Variants in SAMD5 observed in about 807,000 individuals in gnomAD.
The protein encoded by SAMD5 is sterile alpha motif domain containing 5.
A neutral mutation model predicts 11.3 loss-of-function variants in SAMD5; 13 were observed. The ratio of observed to expected loss-of-function variants is 1.15; its 90% CI spans 0.75 to 1.83. SAMD5 has a LOEUF of 1.83. Ranked by LOEUF, SAMD5 falls within the 40% of genes most tolerant of loss-of-function variation. The pLI is 0.00. For synonymous variants in SAMD5, 129 were observed against 111.3 expected, an observed-to-expected ratio of 1.16 and a Z score of -1.00; for missense variants, 255 against 239.1, an observed-to-expected ratio of 1.07 and a Z score of -0.44.
rs76970923 is a variant in SAMD5 at position 147,508,792 on chromosome 6, C to A, written c.-137C>A. Reference sequence around the variant, plus strand: ...GATGGTTTTCCGTCTCCTGCCCGAGCCTTTCCTTTAAAAGGAAAACTTTAC... The same window carrying A: ...GATGGTTTTCCGTCTCCTGCCCGAGACTTTCCTTTAAAAGGAAAACTTTAC... On this transcript the variant is annotated 5_prime_UTR_variant, in exon 1 of 2. Transcript: ENST00000367474. 373 of 1,326,300 alleles carry A rather than the reference C, an allele frequency of 2.8e-4. 1 individual carries two copies. In the African/African-American group the frequency reaches 5.3e-3, roughly 19 times the overall value. 82.2% of individuals were successfully genotyped at this position (1,326,300 alleles called of 1,614,324 possible). A position where few individuals can be genotyped will look rare whatever the true frequency, so the allele number is the denominator to read the frequency against.
At chr6:147,813,046 G>A in the SAMD5 span, among the ~76,000 whole-genome samples, 2 of 152,174 alleles carry the variant, frequency 1.3e-5, no homozygotes, top group African/African-American at 4.8e-5. Context: ...AACTTCAAGA[G>A]TAACTCCACT....
chr6:147,618,211 G>T (rs774303933), intron 1 of SAMD5, among the ~76,000 whole-genome samples: 1 of 152,210 alleles, frequency 6.6e-6, no homozygotes, highest in Non-Finnish European at 1.5e-5. Context: ...TGGGCTGGAT[G>T]CTAGGAATAC....
the SAMD5 span, among the ~76,000 whole-genome samples, chr6:147,896,983 A>T: frequency 6.6e-6 from 1 of 152,198 alleles, no homozygotes; most frequent in Non-Finnish European, 1.5e-5. Flanking sequence ...TGTAGAGGCA[A>T]AAAGTACATC....
chr6:147,713,668 T>C (rs1476538065), intron 1 of SAMD5, among the ~76,000 whole-genome samples: 1 of 152,184 alleles, frequency 6.6e-6, no homozygotes, highest in Admixed American at 6.5e-5. Context: ...AAGGGTGATA[T>C]AATATTTGGT....
the SAMD5 span, among the ~76,000 whole-genome samples, chr6:147,905,568 C>T: frequency 6.6e-6 from 1 of 152,036 alleles, no homozygotes; most frequent in East Asian, 1.9e-4. Flanking sequence ...CTAATCTCAC[C>T]ACCTAGATAT....
chr6:147,579,435 G>A (rs1284043785), intron 1 of SAMD5, among the ~76,000 whole-genome samples: 1 of 145,266 alleles, frequency 6.9e-6, no homozygotes, highest in Non-Finnish European at 1.5e-5. Flanking sequence ...GCCTGCGATA[G>A]TTTGGAAGCA....
At chr6:147,740,359 T>G (rs1249361711), downstream of SAMD5, among the ~76,000 whole-genome samples, 5 of 152,216 alleles carry the variant, frequency 3.3e-5, no homozygotes, top group Non-Finnish European at 7.3e-5. Flanking sequence ...GATATAAAAG[T>G]GCCTTTCTGA....
At chr6:147,897,475 C>T in the SAMD5 span, among the ~76,000 whole-genome samples, 3,386 of 152,140 alleles carry the variant, frequency 0.022, 124 homozygotes, top group African/African-American at 0.077. Flanking sequence ...CATTTCTAGC[C>T]GTAACAGCAG....
At chr6:147,886,093 C>T in the SAMD5 span, among the ~76,000 whole-genome samples, 1 of 152,046 alleles carries the variant, frequency 6.6e-6, no homozygotes, top group East Asian at 1.9e-4. Flanking sequence ...CAAATGAAAT[C>T]CAACTGTGTA....
the SAMD5 span, among the ~76,000 whole-genome samples, chr6:147,804,274 AT>A: frequency 2.7e-5 from 4 of 150,334 alleles, no homozygotes; most frequent in African/African-American, 9.8e-5. Flanking sequence ...CACCCAGCTA[AT>A]TTTTTTTTGT....
chr6:147,856,643 G>A, the SAMD5 span, among the ~76,000 whole-genome samples: 1 of 152,148 alleles, frequency 6.6e-6, no homozygotes, highest in Admixed American at 6.5e-5. Flanking sequence ...GAAACTATCT[G>A]CATGATCAAC....
Position 147,509,021 on chromosome 6 carries a change from GGT to G in SAMD5, c.97_98del (p.Cys33GlnfsTer44). The G allele has an allele frequency of 6.2e-7, 1 of 1,607,890 alleles. No individual in the cohort carries two copies. Among genetic ancestry groups the G allele is most frequent in the Non-Finnish European group, 8.5e-7 (1 of 1,177,768 alleles). Reference protein sequence around the residue: ...FVDNGYDDLEVCKQIGDPDLD... With the variant: ...FVDNGYDDLEXCKQIGDPDLD... ...TGGATAACGGCTACGATGACCTGGA[GGT>G]GTGCAAGCAGATCGGGGACCCGGAC... On this transcript the variant is annotated frameshift_variant, in exon 1 of 2. Coordinates refer to ENST00000367474, the MANE Select transcript of SAMD5 (RefSeq NM_001030060.3). LOFTEE classifies it high-confidence loss of function.
At chr6:147,754,809 G>A in the SAMD5 span, among the ~76,000 whole-genome samples, 3 of 152,106 alleles carry the variant, frequency 2.0e-5, no homozygotes, top group East Asian at 5.8e-4. Context: ...ACCATTTATT[G>A]ATGAGACAGT....
At chr6:147,591,285 A>T (rs1789450128) in intron 1 of SAMD5, among the ~76,000 whole-genome samples, 1 of 152,208 alleles carries the variant, frequency 6.6e-6, no homozygotes, top group Non-Finnish European at 1.5e-5. Flanking sequence ...TGTATAACTC[A>T]AAAGAGGTGG....
At chr6:147,634,373 T>G (rs1256404783) in intron 1 of SAMD5, among the ~76,000 whole-genome samples, 1 of 152,104 alleles carries the variant, frequency 6.6e-6, no homozygotes, top group African/African-American at 2.4e-5. Context: ...CCAGATCTCA[T>G]GAGAACTCAC....
the SAMD5 span, among the ~76,000 whole-genome samples, chr6:147,922,764 A>G: frequency 4.6e-5 from 7 of 152,320 alleles, no homozygotes; most frequent in East Asian, 1.2e-3. Context: ...TCTGTAAATT[A>G]TTACAGAAAT....
chr6:147,642,052 T>A (rs1436032457), intron 1 of SAMD5, among the ~76,000 whole-genome samples: 1 of 152,234 alleles, frequency 6.6e-6, no homozygotes, highest in African/African-American at 2.4e-5. Context: ...TACCTTTTGT[T>A]AAAACTTTCT....
intron 1 of SAMD5, among the ~76,000 whole-genome samples, chr6:147,580,708 T>C (rs1583093486): frequency 6.6e-6 from 1 of 152,346 alleles, no homozygotes; most frequent in East Asian, 1.9e-4. Flanking sequence ...TTCATGAAAA[T>C]GTCCAATTCT....
chr6:147,573,202 T>C (rs1789164435), downstream of SAMD5, among the ~76,000 whole-genome samples: 1 of 152,184 alleles, frequency 6.6e-6, no homozygotes, highest in East Asian at 1.9e-4. Flanking sequence ...CTGTGTATAT[T>C]AGTCCATTCT....
Sources: gnomAD v4.1 joint callset for allele counts (sites outside exome capture counted in the v4.1 genomes callset) on GRCh38, gnomAD v4.1.1 for gene constraint, MANE v1.5 for transcripts, NCBI Gene and HGNC (gene_info 2026-07-23, HGNC 2026-07-21) for gene names.